CDH23: variants seen among roughly 807,000 people sequenced by gnomAD.
CDH23 encodes cadherin-23.
In CDH23, 189 loss-of-function variants were observed where a neutral mutation model predicts 317.1. That is an observed-to-expected ratio of 0.60 (90% CI 0.53 to 0.67). The LOEUF (loss-of-function observed/expected upper bound fraction) is 0.67. Among genes scored for constraint, CDH23 ranks in the 30% least tolerant of loss-of-function variants. CDH23 has a pLI of 0.00. For synonymous variants in CDH23, 1,839 were observed against 1,876.8 expected (o/e 0.98, Z 0.52); for missense variants, 4,401 against 4,592.4 (o/e 0.96, Z 1.20).
chr10:71,548,106 G>T (rs1431053852), intron 6 of CDH23, among the ~76,000 whole-genome samples: 1 of 152,198 alleles, frequency 6.6e-6, no homozygotes, highest in African/African-American at 2.4e-5. Flanking sequence ...AGTGCTTTTT[G>T]CCCTGACGTT....
intron 14 of CDH23, among the ~76,000 whole-genome samples, chr10:71,661,397 T>G (rs932125128): frequency 6.6e-6 from 1 of 152,130 alleles, no homozygotes; most frequent in African/African-American, 2.4e-5. Flanking sequence ...GATTCAGGTG[T>G]TTGACTCACT....
chr10:71,585,201 A>G (rs1271410401), intron 9 of CDH23, among the ~76,000 whole-genome samples: 3 of 152,084 alleles, frequency 2.0e-5, no homozygotes, highest in African/African-American at 7.2e-5. Context: ...ATGATGTGGG[A>G]AAAGGAGGAG....
chr10:71,784,297 G>A lies in CDH23; in HGVS notation c.5379G>A (p.Val1793=). The A allele has an allele frequency of 1.2e-6, 2 of 1,613,430 alleles. No individual in the cohort carries two copies. Among genetic ancestry groups the A allele is most frequent in the African/African-American group, 2.7e-5 (2 of 75,052 alleles). The change falls in exon 42 of 70, where the codon GTG becomes GTA. Residue 1793 remains valine (V), a synonymous_variant. Coordinates refer to ENST00000224721, the MANE Select transcript of CDH23 (RefSeq NM_022124.6). ...IMDGDPLGEF[V]ISPVEGVLRV... ...CCTGGTGACACCCAGGGGAGTTTGT[G>A]ATCTCTCCTGTGGAGGGGGTGCTAA...
chr10:71,497,903 C>T (rs1184073925), intron 3 of CDH23, among the ~76,000 whole-genome samples: 1 of 152,172 alleles, frequency 6.6e-6, no homozygotes, highest in African/African-American at 2.4e-5. Flanking sequence ...AGTAGAGCTA[C>T]TCCCTCCCCT....
At chr10:71,761,494 C>T (rs1241906492) in intron 38 of CDH23, 1 of 1,317,918 alleles carries the variant, frequency 7.6e-7, no homozygotes, top group Non-Finnish European at 1.0e-6. Context: ...CCAGTGTTAC[C>T]CATGCAGCCT....
At chr10:71,420,678 T>C (rs1453088342) in intron 1 of CDH23, among the ~76,000 whole-genome samples, 8 of 152,038 alleles carry the variant, frequency 5.3e-5, no homozygotes, top group African/African-American at 1.9e-4. Context: ...TCACAAGTAT[T>C]ATGTTATTTG....
intron 3 of CDH23, among the ~76,000 whole-genome samples, chr10:71,454,845 ATTT>A (rs397720434): frequency 7.1e-6 from 1 of 141,254 alleles, no homozygotes. Flanking sequence ...TTTACATTTT[ATTT>A]TTTTTTTTTT....
At chr10:71,641,226 G>T (rs1425161179) in intron 11 of CDH23, among the ~76,000 whole-genome samples, 1 of 152,214 alleles carries the variant, frequency 6.6e-6, no homozygotes, top group Non-Finnish European at 1.5e-5. Flanking sequence ...GAGCACGAGA[G>T]AAATGTAGCT....
chr10:71,789,685 A>G (rs965797041), intron 45 of CDH23, among the ~76,000 whole-genome samples: 7 of 152,176 alleles, frequency 4.6e-5, no homozygotes, highest in African/African-American at 1.7e-4. Context: ...GTCCATACCA[A>G]GGCATGTGCG....
intron 6 of CDH23, among the ~76,000 whole-genome samples, chr10:71,541,777 G>A (rs1856002056): frequency 6.6e-6 from 1 of 152,184 alleles, no homozygotes; most frequent in Non-Finnish European, 1.5e-5. Flanking sequence ...CACCTTTCTT[G>A]TGATACAAAA....
intron 14 of CDH23, among the ~76,000 whole-genome samples, chr10:71,651,134 C>T (rs916947740): frequency 2.0e-5 from 3 of 152,146 alleles, no homozygotes; most frequent in African/African-American, 7.2e-5. Context: ...AGTACGCGAA[C>T]CTCTAATAGG....
At chr10:71,575,467 G>T (rs768908426) in intron 8 of CDH23, among the ~76,000 whole-genome samples, 3 of 152,198 alleles carry the variant, frequency 2.0e-5, no homozygotes, top group Non-Finnish European at 4.4e-5. Flanking sequence ...GGATTCGAGC[G>T]CACGCAGTCT....
intron 30 of CDH23, 144 bp downstream of exon 30, chr10:71,725,664 G>C: frequency 2.0e-6 from 2 of 986,328 alleles, no homozygotes; most frequent in Non-Finnish European, 2.9e-6. Context: ...CTAAGGGTTC[G>C]GTGACAGGTG....
intron 3 of CDH23, among the ~76,000 whole-genome samples, chr10:71,462,244 T>C (rs1187467614): frequency 1.3e-5 from 2 of 152,250 alleles, no homozygotes; most frequent in Admixed American, 1.3e-4. Flanking sequence ...CTTGTGTGTT[T>C]ACACAGAGTG....
Position 71,810,453 on chromosome 10 carries a change from A to C in CDH23, c.8980-19A>C. The C allele has an allele frequency of 6.2e-7, 1 of 1,612,810 alleles. No homozygotes were observed. The highest frequency in any genetic ancestry group is 8.5e-7 in the Non-Finnish European group (1 of 1,178,876). ...CCCTGCTGTGGTGGCCACACCCTAC[A>C]ATACCCCTTCTCATCTAGTTCCATG... On this transcript the variant is annotated intron_variant, in intron 61 of 69. Transcript: ENST00000224721.
chr10:71,664,252 C>T (rs1312945875), intron 14 of CDH23, among the ~76,000 whole-genome samples: 1 of 152,206 alleles, frequency 6.6e-6, no homozygotes, highest in African/African-American at 2.4e-5. Flanking sequence ...CTTCTTTAAG[C>T]CCAGAGCTGC....
chr10:71,664,015 A>AG (rs1554852822), intron 14 of CDH23, among the ~76,000 whole-genome samples: 1 of 106,258 alleles, frequency 9.4e-6, no homozygotes, highest in African/African-American at 3.2e-5. Flanking sequence ...AAAAAAAAAA[A>AG]GGATTACGGA....
chr10:71,427,683 T>C (rs1849166522), intron 1 of CDH23, among the ~76,000 whole-genome samples: 1 of 151,954 alleles, frequency 6.6e-6, no homozygotes, highest in South Asian at 2.1e-4. Flanking sequence ...AGAAGTGGAA[T>C]TCCTGGAGCA....
At position 71,778,231 on chromosome 10, in the gene CDH23, C is replaced by T; in HGVS notation, c.5110C>T (p.His1704Tyr). Residue 1704 changes from histidine to tyrosine, a missense_variant, in exon 40 of 70, where the codon CAC becomes TAC. Physicochemically the swap from His to Tyr is moderately conservative, Grantham distance 83 (BLOSUM62 2). Around this residue, in one of 3 missense-constraint regions of CDH23, gnomAD observed 3,068 missense variants for 3,203.3 expected, o/e 0.96. Transcript: ENST00000224721. ...AAKELDYEIS[H>Y]GRYTLIVTAT... is the part of the protein sequence containing the mutation. ...CAAAGAGCTGGACTACGAGATCAGC[C>T]ACGGCCGCTACACCCTGATCGTCAC... The T allele has an allele frequency of 6.2e-7, 1 of 1,613,884 alleles. No individual in the cohort carries two copies. Among genetic ancestry groups the T allele is most frequent in the East Asian group, 2.2e-5 (1 of 44,878 alleles).
Sources: gnomAD v4.1 joint callset for allele counts (sites outside exome capture counted in the v4.1 genomes callset) on GRCh38, gnomAD v4.1.1 for gene constraint, gnomAD v4.1.1 regional missense constraint, MANE v1.5 for transcripts, NCBI Gene and HGNC (gene_info 2026-07-23, HGNC 2026-07-21) for gene names.